LRRC27: variants seen among roughly 807,000 people sequenced by gnomAD.
The protein encoded by LRRC27 is leucine rich repeat containing 27.
LRRC27 carries 57 observed loss-of-function variants against 55.0 expected under a neutral mutation model. The observed-to-expected ratio is 1.04, with a 90% confidence interval of 0.84 to 1.29. LRRC27 has a LOEUF of 1.29. Ranked by LOEUF, LRRC27 falls within the 50% of genes most tolerant of loss-of-function variation. The probability of loss-of-function intolerance (pLI) is 0.00; values close to 1 mark genes in which losing one functional copy is unlikely to be tolerated. For missense variants in LRRC27, 721 were observed against 651.5 expected, an observed-to-expected ratio of 1.11 and a Z score of -1.16; for synonymous variants, 278 against 251.9, an observed-to-expected ratio of 1.10 and a Z score of -0.98.
rs944525544 is a variant in LRRC27, at chr10:132,374,918, T to C, written c.1417-148T>C. 3.8e-6 allele frequency: 3 copies of C among 790,214 alleles called. No homozygotes were observed. The African/African-American group carries it at 5.2e-5, about 14-fold the overall frequency. The allele number at this position is 790,214 out of a possible 1,614,324, so 49.0% of individuals were successfully genotyped here. On this transcript the variant is annotated intron_variant, in intron 10 of 10. Coordinates refer to ENST00000368614, the MANE Select transcript of LRRC27 (RefSeq NM_030626.3). The surrounding 1 kb of genome is among the most constrained non-coding windows in gnomAD (Gnocchi z 4.4). The stretch of plus-strand genomic sequence containing the variant: ...CATTGCAGGGGGGACCGCGCCGTGA[T>C]GCGGCTTGCAGGGGCCCCGGGGCAG...
chr10:132,333,769 A>T lies in LRRC27; in HGVS notation c.210+35A>T. ...GCTGCTCCTCAGGCTGTGTGCCCAC[A>T]GGTCCCCTATAGACAGAAATGGGAA... is the stretch of plus-strand genomic sequence containing the variant. On this transcript the variant is annotated intron_variant, in intron 2 of 10. Transcript: ENST00000368614. 2.6e-6 allele frequency: 4 copies of T among 1,545,396 alleles called. No homozygotes were observed. In the East Asian group the frequency reaches 9.0e-5, roughly 35 times the overall value.
chr10:132,363,778 G>C (rs2068763285), intron 9 of LRRC27, among the ~76,000 whole-genome samples: 2 of 152,136 alleles, frequency 1.3e-5, no homozygotes, highest in Non-Finnish European at 2.9e-5. Flanking sequence ...ACGTACCCTG[G>C]ATCCCGGCTG....
chr10:132,364,498 C>G, intron 9 of LRRC27, among the ~76,000 whole-genome samples: 1 of 145,888 alleles, frequency 6.9e-6, no homozygotes, highest in Non-Finnish European at 1.5e-5. Context: ...TACACCCACC[C>G]TTACATCTAC....
At chr10:132,356,736 G>T (rs1006914731) in intron 8 of LRRC27, among the ~76,000 whole-genome samples, 3 of 152,274 alleles carry the variant, frequency 2.0e-5, no homozygotes, top group Non-Finnish European at 4.4e-5. Flanking sequence ...AGGGCAGTGG[G>T]CACAGAGCTG....
chr10:132,368,351 G>A (rs1176976926), intron 10 of LRRC27, among the ~76,000 whole-genome samples: 1 of 152,146 alleles, frequency 6.6e-6, no homozygotes, highest in Non-Finnish European at 1.5e-5. Flanking sequence ...TATATGGAGA[G>A]GATGAGACCT....
At chr10:132,350,135 C>T (rs1285030689) in intron 6 of LRRC27, among the ~76,000 whole-genome samples, 1 of 152,114 alleles carries the variant, frequency 6.6e-6, no homozygotes, top group Non-Finnish European at 1.5e-5. Context: ...CCTGGGCCTG[C>T]TTATAAGGCT....
chr10:132,352,247 C>T (rs1182527774), intron 7 of LRRC27, among the ~76,000 whole-genome samples: 2 of 94,752 alleles, frequency 2.1e-5, no homozygotes, highest in Non-Finnish European at 4.2e-5. Context: ...GTCTGCAGGG[C>T]GTTGCGTGCA....
intron 3 of LRRC27, among the ~76,000 whole-genome samples, chr10:132,338,667 C>T (rs1367288001): frequency 1.3e-5 from 2 of 151,970 alleles, no homozygotes; most frequent in Non-Finnish European, 1.5e-5. Context: ...TTTTCACCTT[C>T]TGAAGCCATG....
At chr10:132,340,563 A>G (rs1437209890) in intron 3 of LRRC27, among the ~76,000 whole-genome samples, 1 of 152,202 alleles carries the variant, frequency 6.6e-6, no homozygotes, top group Non-Finnish European at 1.5e-5. Context: ...TATACTAGCA[A>G]AATTCAGAGG....
At chr10:132,337,015 C>A (rs2067166485) in intron 2 of LRRC27, 2 of 1,108,234 alleles carry the variant, frequency 1.8e-6, no homozygotes, top group Non-Finnish European at 2.4e-6. Flanking sequence ...GTTGATGTGT[C>A]AATCTGCTTC....
rs1241349275 is a variant in LRRC27 at position 132,375,487 on chromosome 10, C to G, written c.*245C>G. 33 of 422,062 alleles carry G rather than the reference C, an allele frequency of 7.8e-5. No individual in the cohort carries two copies. The Admixed American group carries it at 1.4e-3, about 17-fold the overall frequency. The allele number at this position is 422,062 out of a possible 1,614,324, so 26.1% of individuals were successfully genotyped here. On this transcript the variant is annotated 3_prime_UTR_variant, in exon 11 of 11. Transcript: ENST00000368614. ...GTGGTCTCGCCTTCCCTTCTTCCTGCAGGTTCCCGCCAAGCCATGTGACAG... is the reference window on the plus strand; with the variant it reads ...GTGGTCTCGCCTTCCCTTCTTCCTGGAGGTTCCCGCCAAGCCATGTGACAG...
At chr10:132,334,317 G>A (rs1417939853) in intron 2 of LRRC27, among the ~76,000 whole-genome samples, 6 of 152,168 alleles carry the variant, frequency 3.9e-5, no homozygotes, top group East Asian at 1.9e-4. Context: ...CTGGAATGTC[G>A]GAATGATCAT....
In LRRC27 at chr10:132,374,625, G is replaced by A. The variant is rs1402888371; in HGVS notation, c.1417-441G>A. Among the ~76,000 whole-genome samples, 1 of 152,212 alleles carries A rather than the reference G, an allele frequency of 6.6e-6. No individual in the cohort carries two copies. The highest frequency in any genetic ancestry group is 1.5e-5 in the Non-Finnish European group (1 of 68,018). ...GGGGGTGGCAATTGTGGCCCCATCT[G>A]CTTCCCAGGACAGTTACGGCTCTAA... On this transcript the variant is annotated intron_variant, in intron 10 of 10. Transcript: ENST00000368614. This position sits in a 1 kb window ranked among gnomAD's most constrained non-coding sequence, Gnocchi z 4.4.
intron 10 of LRRC27, among the ~76,000 whole-genome samples, chr10:132,369,531 C>T (rs1280814245): frequency 6.6e-6 from 1 of 151,966 alleles, no homozygotes; most frequent in Non-Finnish European, 1.5e-5. Flanking sequence ...TCATGGTGGC[C>T]CGGGTGGGGG....
rs1216706046 is a variant in LRRC27 at position 132,378,026 on chromosome 10, C to G, written c.*2784C>G. The G allele has an allele frequency of 7.3e-6, 1 of 136,676 alleles. No homozygotes were observed. The highest frequency in any genetic ancestry group is 3.2e-5 in the African/African-American group (1 of 31,440). 8.5% of individuals were successfully genotyped at this position (136,676 alleles called of 1,614,324 possible). A position where few individuals can be genotyped will look rare whatever the true frequency, so the allele number is the denominator to read the frequency against. On this transcript the variant is annotated 3_prime_UTR_variant, in exon 11 of 11. Coordinates refer to ENST00000368614, the MANE Select transcript of LRRC27 (RefSeq NM_030626.3). The stretch of plus-strand genomic sequence containing the variant: ...GAAACCCCGTCTCTACTAAAAAATA[C>G]AAAAAATTAGCCGGGCGTGGTGGCT...
At chr10:132,355,145 G>A (rs2068249892) in intron 7 of LRRC27, among the ~76,000 whole-genome samples, 1 of 152,114 alleles carries the variant, frequency 6.6e-6, no homozygotes, top group Non-Finnish European at 1.5e-5. Context: ...GCTCAATCTT[G>A]GCTCACTGCA....
rs141574834 is a variant in LRRC27, at chr10:132,364,153, A to G, written c.1290-1271A>G. ...TGACCTGAGGGCTCTGTTCTGTAGA[A>G]CTCCAGAGGACATCATGCTTTCTTT... On this transcript the variant is annotated intron_variant, in intron 9 of 10. Coordinates refer to ENST00000368614, the MANE Select transcript of LRRC27 (RefSeq NM_030626.3). Among the ~76,000 whole-genome samples, 6 of 151,892 alleles carry G rather than the reference A, an allele frequency of 4.0e-5. No individual in the cohort carries two copies. In the East Asian group the frequency reaches 1.2e-3, roughly 29 times the overall value.
In LRRC27 at chr10:132,377,586, C is replaced by T. The variant is rs1020363193; in HGVS notation, c.*2344C>T. Reference sequence around the variant, plus strand: ...CGTGTGCCCCAACGGTGTCTTGACTCGCTGTTCCTAGACATCAGTGTTTGC... The same window carrying T: ...CGTGTGCCCCAACGGTGTCTTGACTTGCTGTTCCTAGACATCAGTGTTTGC... On this transcript the variant is annotated 3_prime_UTR_variant, in exon 11 of 11. Transcript: ENST00000368614. 3.9e-5 allele frequency: 6 copies of T among 152,190 alleles called. No individual in the cohort carries two copies. The highest frequency in any genetic ancestry group is 7.2e-5 in the African/African-American group (3 of 41,442). The allele number at this position is 152,190 out of a possible 1,614,324, so 9.4% of individuals were successfully genotyped here. A position where few individuals can be genotyped will look rare whatever the true frequency, so the allele number is the denominator to read the frequency against.
rs2068479448 is a variant in LRRC27, at chr10:132,359,068, AGCAGC to A, written c.1171-2387_1171-2383del. 9.9e-5 allele frequency among the ~76,000 whole-genome samples: 2 copies of A among 20,204 alleles called. 1 individual carries two copies. The highest frequency in any genetic ancestry group is 2.4e-4 in the Non-Finnish European group (2 of 8,380). 13.3% of individuals were successfully genotyped at this position (20,204 alleles called of 152,430 possible). ...GTGTGGGGAGGAGCCGAGGTGGTGG[AGCAGC>A]GTGGGGAGGAGCCGAGGTGATGGAG... On this transcript the variant is annotated intron_variant, in intron 8 of 10. Coordinates refer to ENST00000368614, the MANE Select transcript of LRRC27 (RefSeq NM_030626.3).
Sources: allele counts gnomAD v4.1 joint callset (sites outside exome capture counted in the v4.1 genomes callset), GRCh38; gene constraint gnomAD v4.1.1; non-coding constraint Gnocchi (gnomAD v3.1); transcripts MANE v1.5; gene names NCBI Gene and HGNC (gene_info 2026-07-23, HGNC 2026-07-21).